DOCK9: variants seen among roughly 807,000 people sequenced by gnomAD.
DOCK9 encodes dedicator of cytokinesis 9.
Under a neutral mutation model 263.3 loss-of-function variants are expected in DOCK9, and 89 were observed. The ratio of observed to expected loss-of-function variants is 0.34; its 90% CI spans 0.28 to 0.40. The LOEUF (loss-of-function observed/expected upper bound fraction) is 0.40. Ranked by LOEUF, DOCK9 falls within the 10% of genes least tolerant of loss-of-function variation. The probability of loss-of-function intolerance (pLI) is 1.00; values close to 1 mark genes in which losing one functional copy is unlikely to be tolerated. For synonymous variants in DOCK9, 976 were observed against 973.1 expected (o/e 1.00, Z -0.06); for missense variants, 2,140 against 2,603.4 (o/e 0.82, Z 3.87).
intron 1 of DOCK9, among the ~76,000 whole-genome samples, chr13:99,032,694 A>G (rs953237191): frequency 2.6e-5 from 4 of 151,846 alleles, no homozygotes; most frequent in Non-Finnish European, 4.4e-5. Flanking sequence ...TTATATGACA[A>G]ATTAAAACAG....
Position 99,006,076 on chromosome 13 carries a change from C to A in DOCK9, c.130-50525G>T, listed in dbSNP as rs369492895. Among the ~76,000 whole-genome samples the A allele has an allele frequency of 1.6e-3, 245 of 152,224 alleles. 9 individuals carry two copies. The South Asian group carries it at 0.048, about 30-fold the overall frequency. ...TTATGTATACCATTTACATTCAAAC[C>A]TCAGTTAGTAAAATAAGTACCATAA... On this transcript the variant is annotated intron_variant, in intron 1 of 32. Coordinates refer to the DOCK9 transcript ENST00000427887.
At chr13:99,085,499 C>T (rs1025110730) in intron 1 of DOCK9, among the ~76,000 whole-genome samples, 1 of 152,168 alleles carries the variant, frequency 6.6e-6, no homozygotes, top group African/African-American at 2.4e-5. Flanking sequence ...TTCCTCACAC[C>T]CAGAGGCCTA....
chr13:99,068,306 G>T lies in DOCK9; in HGVS notation c.129+17917C>A, dbSNP rs796728133. ...TCTTTAAAAACCTAATACCCTGGCC[G>T]GGCGCAGTGGCTCATGCTTGTAATA... On this transcript the variant is annotated intron_variant, in intron 1 of 32. Transcript: ENST00000427887. 2.0e-5 allele frequency among the ~76,000 whole-genome samples: 3 copies of T among 152,310 alleles called. No homozygotes were observed. In the South Asian group the frequency reaches 6.2e-4, roughly 32 times the overall value.
At position 98,915,421 on chromosome 13, in the gene DOCK9, T is replaced by C; in HGVS notation, c.800A>G (p.Glu267Gly). Residue 267 changes from glutamate to glycine, a missense_variant, in exon 8 of 53, where the codon GAA becomes GGA. Coordinates refer to ENST00000682017, the MANE Select transcript of DOCK9 (RefSeq NM_001366683.2). ...TAGAATTGTGATCCATTCTTCCATT[T>C]CCACTTCACTGTCTGCTGCCAAGAG... is the stretch of plus-strand genomic sequence containing the variant. ...SYLLAADSEVEMEEWITILNK... is the reference protein window; with the variant it reads ...SYLLAADSEVGMEEWITILNK... The C allele has an allele frequency of 6.2e-7, 1 of 1,614,030 alleles. No individual in the cohort carries two copies. The highest frequency in any genetic ancestry group is 8.5e-7 in the Non-Finnish European group (1 of 1,179,888).
chr13:98,907,277 G>A (rs1314992788), intron 9 of DOCK9, among the ~76,000 whole-genome samples: 1 of 152,124 alleles, frequency 6.6e-6, no homozygotes, highest in African/African-American at 2.4e-5. Context: ...TGAATCGTCC[G>A]CTTGAGCCCT....
At chr13:98,981,446 T>C (rs1877182993), upstream of DOCK9, among the ~76,000 whole-genome samples, 1 of 152,146 alleles carries the variant, frequency 6.6e-6, no homozygotes, top group African/African-American at 2.4e-5. Context: ...TGGCAATGTG[T>C]TTGCAGGAAA....
chr13:98,838,018 T>C lies in DOCK9; in HGVS notation c.4199-409A>G, dbSNP rs184074133. Among the ~76,000 whole-genome samples the C allele has an allele frequency of 3.3e-4, 50 of 152,246 alleles. 1 individual carries two copies. Among genetic ancestry groups the C allele is most frequent in the Non-Finnish European group, 1.3e-4 (9 of 68,010 alleles). On this transcript the variant is annotated intron_variant, in intron 38 of 52. Coordinates refer to ENST00000682017, the MANE Select transcript of DOCK9 (RefSeq NM_001366683.2). ...CTAAACTTGTCTAAAGTCATACAGG[T>C]AGTAAACAGTGGAGACAGGACTTGG...
chr13:98,957,514 C>A (rs2058187505), intron 1 of DOCK9, among the ~76,000 whole-genome samples: 2 of 148,734 alleles, frequency 1.3e-5, no homozygotes, highest in Admixed American at 6.7e-5. Context: ...AAAATTAAAG[C>A]TATAAAGTGT....
chr13:99,048,718 A>C (rs904458893), intron 1 of DOCK9, among the ~76,000 whole-genome samples: 1 of 152,178 alleles, frequency 6.6e-6, no homozygotes, highest in African/African-American at 2.4e-5. Flanking sequence ...TCCCATCCTC[A>C]CAGTGCCACT....
At position 98,846,056 on chromosome 13, in the gene DOCK9, G is replaced by A. The variant is rs1218745895; in HGVS notation, c.4066C>T (p.Gln1356Ter). 6.4e-7 allele frequency: 1 copy of A among 1,572,226 alleles called. No individual in the cohort carries two copies. Among genetic ancestry groups the A allele is most frequent in the Non-Finnish European group, 8.6e-7 (1 of 1,157,504 alleles). ...YMGKRYIARN[Q>*]EGLGPIVHDR... ...TGAACTATGGGTCCCAACCCCTCCT[G>A]GTTCCTGCAACATGAGTGAAATGGG... The change falls in exon 38 of 53, where the codon CAG becomes TAG. Residue 1356 changes from glutamine to a stop codon, truncating the protein, a stop_gained. Transcript: ENST00000682017. LOFTEE classifies it high-confidence loss of function.
At chr13:98,889,073 A>T (rs960612398) in intron 15 of DOCK9, among the ~76,000 whole-genome samples, 18 of 152,234 alleles carry the variant, frequency 1.2e-4, no homozygotes, top group African/African-American at 4.1e-4. Flanking sequence ...TACACAGTAC[A>T]GGTCTAGATA....
intron 2 of DOCK9, among the ~76,000 whole-genome samples, chr13:98,941,698 C>T (rs1162919790): frequency 1.3e-5 from 2 of 152,098 alleles, no homozygotes; most frequent in Non-Finnish European, 2.9e-5. Context: ...TTGGGGCCCA[C>T]GTGGTATGTC....
At chr13:98,828,221 A>G (rs2140873750) in intron 43 of DOCK9, among the ~76,000 whole-genome samples, 1 of 152,362 alleles carries the variant, frequency 6.6e-6, no homozygotes, top group South Asian at 2.1e-4. Flanking sequence ...TTCTGCCTCC[A>G]GAACTGTGAG....
chr13:98,876,571 TG>T (rs1359755571), intron 27 of DOCK9, among the ~76,000 whole-genome samples: 10 of 152,252 alleles, frequency 6.6e-5, no homozygotes, highest in Admixed American at 5.9e-4. Flanking sequence ...AAATCACAAA[TG>T]GTACAGGAAT....
chr13:98,861,014 G>C (rs973419424), intron 32 of DOCK9, among the ~76,000 whole-genome samples: 1 of 152,038 alleles, frequency 6.6e-6, no homozygotes, highest in African/African-American at 2.4e-5. Flanking sequence ...TTTTAAGTTA[G>C]GTCAAAAAAC....
At chr13:98,815,426 G>A (rs7997353) in intron 45 of DOCK9, among the ~76,000 whole-genome samples, 3,511 of 152,156 alleles carry the variant, frequency 0.023, 137 homozygotes, top group African/African-American at 0.08. Flanking sequence ...TGGTACCTTC[G>A]GTTCTCATTT....
chr13:98,881,075 TCTA>T (rs2044676662), intron 25 of DOCK9, among the ~76,000 whole-genome samples: 1 of 152,252 alleles, frequency 6.6e-6, no homozygotes, highest in Admixed American at 6.5e-5. Context: ...TAACTGCCAC[TCTA>T]CTTACTGGAT....
At chr13:99,081,570 T>C (rs368235062) in intron 1 of DOCK9, among the ~76,000 whole-genome samples, 34 of 152,374 alleles carry the variant, frequency 2.2e-4, no homozygotes, top group African/African-American at 6.7e-4. Context: ...ACAGTCAGCA[T>C]GCCCATGCAA....
chr13:99,071,310 T>C (rs1214599929), intron 1 of DOCK9, among the ~76,000 whole-genome samples: 2 of 59,960 alleles, frequency 3.3e-5, no homozygotes, highest in Admixed American at 2.8e-4. Flanking sequence ...GCCTGGCTTT[T>C]TTTTTTTTTT....
Sources: gnomAD v4.1 joint callset for allele counts (sites outside exome capture counted in the v4.1 genomes callset) on GRCh38, gnomAD v4.1.1 for gene constraint, MANE v1.5 for transcripts, NCBI Gene and HGNC (gene_info 2026-07-23, HGNC 2026-07-21) for gene names.